Variants in C10orf143 observed in about 807,000 individuals in gnomAD.
The protein encoded by C10orf143 is chromosome 10 open reading frame 143.
At chr10:130,080,578 T>A (rs529394376) in intron 1 of C10orf143, among the ~76,000 whole-genome samples, 1 of 152,208 alleles carries the variant, frequency 6.6e-6, no homozygotes, top group Admixed American at 6.5e-5. Context: ...TAAACAGTCA[T>A]GGAGGCCACC....
At chr10:130,062,791 AC>A (rs1170818578), downstream of C10orf143, among the ~76,000 whole-genome samples, 2 of 152,014 alleles carry the variant, frequency 1.3e-5, no homozygotes, top group African/African-American at 4.8e-5. Flanking sequence ...ACCCTAATAC[AC>A]CCACATTCTG....
In C10orf143 at chr10:130,074,192, C is replaced by T. The variant is rs140613320; in HGVS notation, c.297+5374G>A. Among the ~76,000 whole-genome samples the T allele has an allele frequency of 4.1e-3, 618 of 152,338 alleles. 4 individuals carry two copies. The highest frequency in any genetic ancestry group is 6.7e-3 in the Non-Finnish European group (458 of 68,026). ...AGCAGAGGGGGCTCCAAGCAGAGTG[C>T]TCAGGCCCCTGCCTCCCCATCAACC... is the stretch of plus-strand genomic sequence containing the variant. On this transcript the variant is annotated intron_variant, in intron 3 of 3. Coordinates refer to ENST00000637128, the MANE Select transcript of C10orf143 (RefSeq NM_001355042.2).
At chr10:130,107,374 T>C in intron 1 of C10orf143, 2 of 1,093,926 alleles carry the variant, frequency 1.8e-6, no homozygotes, top group Non-Finnish European at 2.8e-6. Context: ...TGGAGAGAAC[T>C]ATTCATTATT....
chr10:130,050,446 C>T (rs1360307939), intron 3 of C10orf143, among the ~76,000 whole-genome samples: 1 of 152,208 alleles, frequency 6.6e-6, no homozygotes, highest in African/African-American at 2.4e-5. Context: ...GTCCCAGCTA[C>T]ATGGGAGGTC....
intron 1 of C10orf143, among the ~76,000 whole-genome samples, chr10:130,100,576 TAA>T (rs1401506534): frequency 6.6e-6 from 1 of 151,858 alleles, no homozygotes; most frequent in East Asian, 1.9e-4. Context: ...AGAAGAACAT[TAA>T]AAGAGTTAAT....
intron 3 of C10orf143, among the ~76,000 whole-genome samples, chr10:130,055,414 AAGTAAT>A (rs1474778802): frequency 3.7e-4 from 57 of 152,220 alleles, no homozygotes; most frequent in Admixed American, 3.7e-3. Context: ...AAAGCAAAAA[AAGTAAT>A]AGCCCAATTT....
At chr10:130,060,859 C>T (rs890733429), downstream of C10orf143, among the ~76,000 whole-genome samples, 5 of 150,152 alleles carry the variant, frequency 3.3e-5, no homozygotes, top group South Asian at 2.1e-4. Context: ...TATGCTAGGC[C>T]GGGCGCGGTG....
chr10:130,081,356 G>A (rs954466504), intron 1 of C10orf143, among the ~76,000 whole-genome samples: 3 of 151,936 alleles, frequency 2.0e-5, no homozygotes, highest in Non-Finnish European at 2.9e-5. Flanking sequence ...GAGCAAACAC[G>A]GTTAGAAACA....
chr10:130,067,553 C>A (rs571737712), intron 3 of C10orf143: 2 of 152,204 alleles, frequency 1.3e-5, no homozygotes, highest in South Asian at 4.1e-4. Flanking sequence ...AAGATGTTGA[C>A]GATTCCTGCC....
chr10:130,088,308 C>T (rs1564965211), intron 1 of C10orf143, among the ~76,000 whole-genome samples: 3 of 152,046 alleles, frequency 2.0e-5, no homozygotes, highest in Admixed American at 1.3e-4. Flanking sequence ...CACTTGAACC[C>T]GGGAGGCAGA....
downstream of C10orf143, among the ~76,000 whole-genome samples, chr10:130,061,711 C>T (rs1860858917): frequency 6.6e-6 from 1 of 152,206 alleles, no homozygotes. Context: ...GGGATAATCC[C>T]ATTTCACGCT....
intron 3 of C10orf143, among the ~76,000 whole-genome samples, chr10:130,071,496 T>G (rs145043298): frequency 6.1e-4 from 93 of 152,356 alleles, no homozygotes; most frequent in African/African-American, 2.1e-3. Context: ...TTTACTGGAC[T>G]GATTTGCATA....
At chr10:130,058,754 A>G (rs1167753551) in intron 3 of C10orf143, among the ~76,000 whole-genome samples, 2 of 152,122 alleles carry the variant, frequency 1.3e-5, no homozygotes, top group Non-Finnish European at 2.9e-5. Context: ...TAATACTGTA[A>G]AGCTACCCCT....
chr10:130,061,064 G>A (rs1158005434), downstream of C10orf143, among the ~76,000 whole-genome samples: 1 of 152,124 alleles, frequency 6.6e-6, no homozygotes. Flanking sequence ...TGGGCCCGAG[G>A]AAGTCAAGGC....
intron 3 of C10orf143, among the ~76,000 whole-genome samples, chr10:130,076,989 A>G (rs558303153): frequency 2.0e-4 from 31 of 152,142 alleles, no homozygotes; most frequent in Non-Finnish European, 4.3e-4. Context: ...GTCCCACCAC[A>G]TTCATTTCGA....
chr10:130,096,964 A>C (rs1294947245), intron 1 of C10orf143, among the ~76,000 whole-genome samples: 1 of 150,266 alleles, frequency 6.7e-6, no homozygotes, highest in Admixed American at 6.6e-5. Context: ...TTAATTTTTT[A>C]ATTTTTTTTT....
intron 1 of C10orf143, among the ~76,000 whole-genome samples, chr10:130,081,976 G>C (rs1198247473): frequency 6.6e-6 from 1 of 151,026 alleles, no homozygotes; most frequent in African/African-American, 2.4e-5. Flanking sequence ...AGAAGAGCCA[G>C]GAAAACCCTG....
At chr10:130,104,675 C>T (rs1861611144) in intron 1 of C10orf143, 2 of 152,156 alleles carry the variant, frequency 1.3e-5, no homozygotes, top group African/African-American at 4.8e-5. Context: ...GCAATATACA[C>T]CATGCCAATA....
At chr10:130,069,300 C>T (rs1465554551) in intron 3 of C10orf143, among the ~76,000 whole-genome samples, 1 of 152,108 alleles carries the variant, frequency 6.6e-6, no homozygotes, top group Non-Finnish European at 1.5e-5. Flanking sequence ...ACCATGTGGC[C>T]ACATATGCCT....
Sources: gnomAD v4.1 joint callset for allele counts (sites outside exome capture counted in the v4.1 genomes callset) on GRCh38, gnomAD v4.1.1 for gene constraint, MANE v1.5 for transcripts, NCBI Gene and HGNC (gene_info 2026-07-23, HGNC 2026-07-21) for gene names.